The following MINK1 variants were observed in gnomAD, a reference collection of about 807,000 sequenced individuals.
The protein encoded by MINK1 is misshapen-like kinase 1.
MINK1 carries 46 observed loss-of-function variants against 178.4 expected under a neutral mutation model. That is an observed-to-expected ratio of 0.26 (90% CI 0.20 to 0.33). The LOEUF (loss-of-function observed/expected upper bound fraction) is 0.33, where lower values mean the gene tolerates loss of function less well. Among genes scored for constraint, MINK1 ranks in the 10% least tolerant of loss-of-function variants. MINK1 has a pLI of 1.00. For synonymous variants in MINK1, 797 were observed against 709.7 expected (o/e 1.12, Z -1.96); for missense variants, 1,366 against 1,814.9 (o/e 0.75, Z 4.49).
rs999940168 is a variant in MINK1 at position 4,892,343 on chromosome 17, G to A, written c.2088-59G>A. ...CCCGCCTGGGGGTGGGAAAGCCCCA[G>A]CCCCATCACCTCAGCGCCCCCCCGC... On this transcript the variant is annotated intron_variant, in intron 17 of 31. Coordinates refer to ENST00000355280, the MANE Select transcript of MINK1 (RefSeq NM_153827.5). 4.8e-6 allele frequency: 7 copies of A among 1,464,426 alleles called. No homozygotes were observed. In the African/African-American group the frequency reaches 7.0e-5, roughly 15 times the overall value. 90.7% of individuals were successfully genotyped at this position (1,464,426 alleles called of 1,614,324 possible). A position where few individuals can be genotyped will look rare whatever the true frequency, so the allele number is the denominator to read the frequency against.
At chr17:4,889,077 T>G (rs1597548540) in intron 12 of MINK1, among the ~76,000 whole-genome samples, 1 of 152,150 alleles carries the variant, frequency 6.6e-6, no homozygotes, top group Non-Finnish European at 1.5e-5. Context: ...ACAAGTTCCC[T>G]CAAGTGTAAG....
intron 4 of MINK1, among the ~76,000 whole-genome samples, chr17:4,882,205 C>T (rs1005337011): frequency 6.6e-6 from 1 of 152,270 alleles, no homozygotes; most frequent in Non-Finnish European, 1.5e-5. Context: ...TCCTCCCCTC[C>T]TCTCACTGTG....
At chr17:4,891,769 A>G (rs1055886669) in intron 16 of MINK1, 53 bp downstream of exon 16, 2 of 1,539,646 alleles carry the variant, frequency 1.3e-6, no homozygotes, top group Non-Finnish European at 1.8e-6. Context: ...TCATGAAGAG[A>G]AGGAGGGCAG....
chr17:4,859,560 G>A (rs1913781006), intron 1 of MINK1, among the ~76,000 whole-genome samples: 1 of 152,056 alleles, frequency 6.6e-6, no homozygotes, highest in Admixed American at 6.6e-5. Flanking sequence ...GGCTGAGGCG[G>A]ATGGATCACA....
intron 31 of MINK1, 106 bp from the exon 32 acceptor site, chr17:4,897,098 G>A: frequency 9.9e-7 from 1 of 1,009,208 alleles, no homozygotes; most frequent in Non-Finnish European, 1.5e-6. Context: ...CAGTCTCTGT[G>A]TCTCCCTCAA....
At chr17:4,883,493 T>C (rs973132934) in intron 4 of MINK1, among the ~76,000 whole-genome samples, 1 of 150,908 alleles carries the variant, frequency 6.6e-6, no homozygotes, top group Non-Finnish European at 1.5e-5. Flanking sequence ...CATGAGCCAC[T>C]GAGCCCGGCC....
chr17:4,895,358 C>T lies in MINK1; in HGVS notation c.3094C>T (p.Leu1032=), dbSNP rs184102651. Residue 1032 remains leucine, a synonymous_variant, in exon 26 of 32, where the codon CTG becomes TTG. Coordinates refer to ENST00000355280, the MANE Select transcript of MINK1 (RefSeq NM_153827.5). This position sits in a 1 kb window ranked among gnomAD's most constrained non-coding sequence, Gnocchi z 4.3. The part of the protein sequence containing the change: ...ILCAALWGVN[L]LVGTENGLML... ...AAGGGCTCCTGTTGCAGGGGTCAAC[C>T]TGCTGGTGGGCACGGAGAACGGGCT... 7.5e-6 allele frequency: 12 copies of T among 1,605,228 alleles called. No homozygotes were observed. The highest frequency in any genetic ancestry group is 1.7e-4 in the Middle Eastern group (1 of 6,010).
intron 2 of MINK1, among the ~76,000 whole-genome samples, chr17:4,880,247 C>T (rs1218603962): frequency 6.6e-6 from 1 of 151,930 alleles, no homozygotes; most frequent in East Asian, 1.9e-4. Flanking sequence ...CCATGAGCAG[C>T]ACATTCACTG....
intron 1 of MINK1, among the ~76,000 whole-genome samples, chr17:4,869,626 C>G (rs553088582): frequency 1.3e-5 from 2 of 151,952 alleles, no homozygotes; most frequent in Admixed American, 6.6e-5. Flanking sequence ...CCCGATCTTA[C>G]GATAGTTCTG....
At chr17:4,871,181 A>ATTTT (rs148817521) in intron 1 of MINK1, 11 of 134,906 alleles carry the variant, frequency 8.2e-5, no homozygotes, top group South Asian at 3.7e-4. Context: ...GTTTGTTTTA[A>ATTTT]TTTTTTTTTT....
In MINK1 at chr17:4,885,098, C is replaced by T; in HGVS notation, c.508+96C>T. 8.7e-7 allele frequency: 1 copy of T among 1,148,542 alleles called. No homozygotes were observed. The highest frequency in any genetic ancestry group is 1.4e-5 in the South Asian group (1 of 73,940). The allele number at this position is 1,148,542 out of a possible 1,614,324, so 71.1% of individuals were successfully genotyped here. ...CTCTCTGGTGGCTCAGGCCCAACTC[C>T]CTTCCTACTGGGGAGGCTCACTCCC... On this transcript the variant is annotated intron_variant, in intron 6 of 31. Coordinates refer to ENST00000355280, the MANE Select transcript of MINK1 (RefSeq NM_153827.5). This position sits in a 1 kb window ranked among gnomAD's most constrained non-coding sequence, Gnocchi z 5.0.
chr17:4,876,635 G>T (rs1001800204), intron 1 of MINK1, among the ~76,000 whole-genome samples: 2 of 152,046 alleles, frequency 1.3e-5, no homozygotes, highest in Admixed American at 1.3e-4. Flanking sequence ...AAATCAAGGA[G>T]AAAGGAGTTT....
At position 4,885,374 on chromosome 17, in the gene MINK1, G is replaced by A; in HGVS notation, c.509-109G>A. ...GGAGGGTGCTGGGGTGTCTGGGTCGGGCCAGGACCACAGCTGGCTCAGGCA... is the reference window on the plus strand; with the variant it reads ...GGAGGGTGCTGGGGTGTCTGGGTCGAGCCAGGACCACAGCTGGCTCAGGCA... On this transcript the variant is annotated intron_variant, in intron 6 of 31. Transcript: ENST00000355280. This position sits in a 1 kb window ranked among gnomAD's most constrained non-coding sequence, Gnocchi z 5.0. The A allele has an allele frequency of 1.1e-5, 16 of 1,463,656 alleles. No homozygotes were observed. Among genetic ancestry groups the A allele is most frequent in the Non-Finnish European group, 1.4e-5 (15 of 1,067,968 alleles). 90.7% of individuals were successfully genotyped at this position (1,463,656 alleles called of 1,614,324 possible).
At chr17:4,841,102 C>T (rs74652081) in intron 1 of MINK1, among the ~76,000 whole-genome samples, 3,439 of 152,100 alleles carry the variant, frequency 0.023, 131 homozygotes, top group African/African-American at 0.078. Flanking sequence ...ACGGGACAGG[C>T]GACGTGGGGA....
At chr17:4,861,227 C>T (rs1312836952) in intron 1 of MINK1, among the ~76,000 whole-genome samples, 2 of 152,196 alleles carry the variant, frequency 1.3e-5, no homozygotes, top group East Asian at 3.9e-4. Flanking sequence ...TTGGGGCCAG[C>T]CTGGTGTGGC....
chr17:4,867,970 T>C (rs907387239), intron 1 of MINK1, among the ~76,000 whole-genome samples: 1 of 149,224 alleles, frequency 6.7e-6, no homozygotes, highest in Non-Finnish European at 1.5e-5. Context: ...ATCTTCTAGC[T>C]CTTTTTTTTT....
At chr17:4,860,989 C>T (rs1241548987) in intron 1 of MINK1, among the ~76,000 whole-genome samples, 1 of 152,204 alleles carries the variant, frequency 6.6e-6, no homozygotes, top group East Asian at 1.9e-4. Context: ...AGGCCACCAG[C>T]TTTGTGCCTC....
At chr17:4,888,626 G>A (rs1293458787) in intron 12 of MINK1, among the ~76,000 whole-genome samples, 5 of 150,932 alleles carry the variant, frequency 3.3e-5, no homozygotes, top group Admixed American at 1.3e-4. Context: ...GCAAGACTCC[G>A]TCTCCAAAAA....
intron 15 of MINK1, 80 bp downstream of exon 15, chr17:4,891,204 AC>A: frequency 4.8e-6 from 2 of 420,436 alleles, no homozygotes; most frequent in Non-Finnish European, 8.2e-6. Context: ...ACGCGCGCAC[AC>A]ACACACACAC....
Sources: allele counts gnomAD v4.1 joint callset (sites outside exome capture counted in the v4.1 genomes callset), GRCh38; gene constraint gnomAD v4.1.1; non-coding constraint Gnocchi (gnomAD v3.1); transcripts MANE v1.5; gene names NCBI Gene and HGNC (gene_info 2026-07-23, HGNC 2026-07-21).